PEDS1: variants seen among roughly 807,000 people sequenced by gnomAD.
The protein encoded by PEDS1 is plasmanylethanolamine desaturase 1, also known as CarF homolog.
Under a neutral mutation model 35.2 loss-of-function variants are expected in PEDS1, and 14 were observed. The observed-to-expected ratio is 0.40, with a 90% CI of 0.26 to 0.62. The LOEUF (loss-of-function observed/expected upper bound fraction) is 0.62. Ranked by LOEUF, PEDS1 falls within the 20% of genes least tolerant of loss-of-function variation. PEDS1 has a pLI of 0.44. For missense variants in PEDS1, 260 were observed against 367.8 expected (o/e 0.71, Z 2.40); for synonymous variants, 152 against 152.0 (o/e 1.00, Z 0.00).
At position 50,125,050 on chromosome 20, in the gene PEDS1, C is replaced by T. The variant is rs746792344; in HGVS notation, c.*8G>A. The T allele has an allele frequency of 3.1e-5, 50 of 1,613,238 alleles. No individual in the cohort carries two copies. The Admixed American group carries it at 6.7e-4, about 22-fold the overall frequency. ...AAGGTTGGCAACCAGGTAGCAGGCT[C>T]GGAGAAGTTATTTGATCTTCTGGGC... is the stretch of plus-strand genomic sequence containing the variant. On this transcript the variant is annotated 3_prime_UTR_variant, in exon 6 of 6. Transcript: ENST00000371652.
chr20:50,150,613 C>T (rs2081392608), intron 1 of PEDS1, among the ~76,000 whole-genome samples: 1 of 152,204 alleles, frequency 6.6e-6, no homozygotes, highest in South Asian at 2.1e-4. Context: ...CTCCACAGCG[C>T]TTGCCACCAC....
Position 50,144,616 on chromosome 20 carries a change from CTTTG to C in PEDS1, c.122-999_122-996del, listed in dbSNP as rs368359775. 5.0e-4 allele frequency among the ~76,000 whole-genome samples: 76 copies of C among 152,336 alleles called. 1 individual carries two copies. The East Asian group carries it at 8.7e-3, about 17-fold the overall frequency. ...AGACAAGCTGATTCACTCGCTGCAG[CTTTG>C]TTTGTGGTGTCAAAACTTGGGAAAT... On this transcript the variant is annotated intron_variant, in intron 1 of 5. Transcript: ENST00000371652.
In PEDS1 at chr20:50,130,764, T is replaced by G. The variant is rs1253998278; in HGVS notation, c.333+92A>C. On this transcript the variant is annotated intron_variant, in intron 3 of 5. Coordinates refer to ENST00000371652, the MANE Select transcript of PEDS1 (RefSeq NM_199129.4). ...GCAATGATGGTTCCCATCTTTCAGA[T>G]AGGGAAACAGTCTTAGAGAAGAAAG... is the stretch of plus-strand genomic sequence containing the variant. 2.7e-6 allele frequency: 4 copies of G among 1,457,548 alleles called. No individual in the cohort carries two copies. In the Admixed American group the frequency reaches 7.4e-5, roughly 27 times the overall value. 90.3% of individuals were successfully genotyped at this position (1,457,548 alleles called of 1,614,324 possible).
intron 2 of PEDS1, among the ~76,000 whole-genome samples, chr20:50,134,916 C>T (rs1601217602): frequency 6.6e-6 from 1 of 151,990 alleles, no homozygotes; most frequent in East Asian, 1.9e-4. Flanking sequence ...GGCACGGTGG[C>T]TCACACCTGT....
At chr20:50,133,749 C>T (rs542398250) in intron 2 of PEDS1, among the ~76,000 whole-genome samples, 3 of 152,238 alleles carry the variant, frequency 2.0e-5, no homozygotes, top group Admixed American at 6.5e-5. Context: ...CAGTTGCTCT[C>T]GCTCACATCT....
chr20:50,125,028 G>A lies in PEDS1; in HGVS notation c.*30C>T. 1 of 1,611,858 alleles carries A rather than the reference G, an allele frequency of 6.2e-7. No individual in the cohort carries two copies. Among genetic ancestry groups the A allele is most frequent in the South Asian group, 1.1e-5 (1 of 90,960 alleles). ...GGCTTCGGTTTGGGGGCTAGGGAAGGTTGGCAACCAGGTAGCAGGCTCGGA... is the reference window on the plus strand; with the variant it reads ...GGCTTCGGTTTGGGGGCTAGGGAAGATTGGCAACCAGGTAGCAGGCTCGGA... On this transcript the variant is annotated 3_prime_UTR_variant, in exon 6 of 6. Transcript: ENST00000371652.
intron 1 of PEDS1, among the ~76,000 whole-genome samples, chr20:50,145,089 C>G (rs1358104581): frequency 6.6e-6 from 1 of 151,744 alleles, no homozygotes; most frequent in Admixed American, 6.6e-5. Context: ...GTAATCCCAG[C>G]TATTCGGGAG....
chr20:50,129,756 C>CT lies in PEDS1; in HGVS notation c.334-67dup. 1 of 1,589,340 alleles carries CT rather than the reference C, an allele frequency of 6.3e-7. No homozygotes were observed. Among genetic ancestry groups the CT allele is most frequent in the Non-Finnish European group, 8.6e-7 (1 of 1,167,706 alleles). The stretch of plus-strand genomic sequence containing the variant: ...GTGGTCAGCTGCTCTCCACAGCCCC[C>CT]TAAACACATTCACCCTGGGCTCACC... On this transcript the variant is annotated intron_variant, in intron 3 of 5. Coordinates refer to ENST00000371652, the MANE Select transcript of PEDS1 (RefSeq NM_199129.4). The surrounding 1 kb of genome is among the most constrained non-coding windows in gnomAD (Gnocchi z 4.2).
chr20:50,133,959 C>G (rs970505618), intron 2 of PEDS1, among the ~76,000 whole-genome samples: 20 of 152,222 alleles, frequency 1.3e-4, no homozygotes, highest in African/African-American at 4.8e-4. Context: ...TTAAACTGCA[C>G]TGCAGCAGGT....
At chr20:50,132,130 G>T (rs889264230) in intron 2 of PEDS1, among the ~76,000 whole-genome samples, 8 of 152,126 alleles carry the variant, frequency 5.3e-5, no homozygotes, top group African/African-American at 1.7e-4. Context: ...CTTGAGCCCG[G>T]GAGATGGTGG....
chr20:50,124,221 G>C lies in PEDS1; in HGVS notation c.*837C>G, dbSNP rs2081075537. 1 of 152,306 alleles carries C rather than the reference G, an allele frequency of 6.6e-6. No homozygotes were observed. The highest frequency in any genetic ancestry group is 6.6e-5 in the Admixed American group (1 of 15,242). The allele number at this position is 152,306 out of a possible 1,614,324, so 9.4% of individuals were successfully genotyped here. The stretch of plus-strand genomic sequence containing the variant: ...AATATATTATGTACATCCAAAACAT[G>C]ACATTAAAATATTACTCCGTGTTAC... On this transcript the variant is annotated 3_prime_UTR_variant, in exon 6 of 6. Transcript: ENST00000371652.
chr20:50,153,256 G>C (rs1385096442), intron 1 of PEDS1, among the ~76,000 whole-genome samples: 3 of 151,990 alleles, frequency 2.0e-5, no homozygotes, highest in African/African-American at 7.2e-5. Flanking sequence ...GGGTCCGATG[G>C]GAGCTCCGTT....
intron 2 of PEDS1, among the ~76,000 whole-genome samples, chr20:50,142,762 T>G: frequency 1.4e-5 from 2 of 139,590 alleles, no homozygotes; most frequent in South Asian, 4.8e-4. Flanking sequence ...GGGGCTGCTA[T>G]GTTTTGTGGG....
At position 50,120,303 on chromosome 20, in the gene PEDS1, CA is replaced by C; in HGVS notation, c.*4754del. On this transcript the variant is annotated 3_prime_UTR_variant, in exon 6 of 6. Transcript: ENST00000371652. Reference sequence around the variant, plus strand: ...AACAAACAAACAAACAAACAACCCACAAAAGCTTCTGAGCTATAGAAAAGCA... The same window carrying C: ...AACAAACAAACAAACAAACAACCCACAAAGCTTCTGAGCTATAGAAAAGCA... The C allele has an allele frequency of 5.9e-6, 1 of 170,898 alleles. No homozygotes were observed. The highest frequency in any genetic ancestry group is 1.2e-5 in the Non-Finnish European group (1 of 86,420). The allele number at this position is 170,898 out of a possible 1,614,324, so 10.6% of individuals were successfully genotyped here. A position where few individuals can be genotyped will look rare whatever the true frequency, so the allele number is the denominator to read the frequency against.
intron 1 of PEDS1, among the ~76,000 whole-genome samples, chr20:50,152,518 G>A (rs6020298): frequency 0.59 from 88,987 of 152,038 alleles, 27,304 homozygotes; most frequent in African/African-American, 0.78. Context: ...AGGCCAAACA[G>A]TAAAATTCCT....
intron 1 of PEDS1, among the ~76,000 whole-genome samples, chr20:50,151,789 G>A (rs1411404478): frequency 6.6e-6 from 1 of 152,134 alleles, no homozygotes; most frequent in East Asian, 1.9e-4. Context: ...AACCCGGGAG[G>A]AGGAGCTTGC....
At chr20:50,148,296 T>C (rs1348644996) in intron 1 of PEDS1, among the ~76,000 whole-genome samples, 1 of 152,124 alleles carries the variant, frequency 6.6e-6, no homozygotes, top group African/African-American at 2.4e-5. Flanking sequence ...ACAGCATGGA[T>C]CATCAGCCTG....
At chr20:50,141,402 C>A (rs559562420) in intron 2 of PEDS1, among the ~76,000 whole-genome samples, 3 of 152,368 alleles carry the variant, frequency 2.0e-5, no homozygotes, top group Non-Finnish European at 4.4e-5. Context: ...GAAGTGAAAG[C>A]CTTGATCAGT....
intron 1 of PEDS1, among the ~76,000 whole-genome samples, chr20:50,144,163 G>C (rs1398588534): frequency 6.6e-6 from 1 of 152,244 alleles, no homozygotes; most frequent in Non-Finnish European, 1.5e-5. Context: ...GGGCCCTTCA[G>C]AGAGTGGCCC....
Sources: gnomAD v4.1 joint callset for allele counts (sites outside exome capture counted in the v4.1 genomes callset) on GRCh38, gnomAD v4.1.1 for gene constraint, Gnocchi (gnomAD v3.1) non-coding constraint, MANE v1.5 for transcripts, NCBI Gene and HGNC (gene_info 2026-07-23, HGNC 2026-07-21) for gene names.